MSH3: variants seen among roughly 807,000 people sequenced by gnomAD.
The protein encoded by MSH3 is mutS homolog 3.
A neutral mutation model predicts 123.3 loss-of-function variants in MSH3; 106 were observed. The ratio of observed to expected loss-of-function variants is 0.86; its 90% CI spans 0.73 to 1.01. MSH3 has a LOEUF of 1.01. MSH3 is among the 50% of genes least tolerant of loss of function. The pLI is 0.00. For synonymous variants in MSH3, 515 were observed against 481.4 expected (o/e 1.07, Z -0.91); for missense variants, 1,459 against 1,347.6 (o/e 1.08, Z -1.29).
chr5:80,783,493 T>TTTATA (rs983367685), intron 17 of MSH3, among the ~76,000 whole-genome samples: 8 of 152,214 alleles, frequency 5.3e-5, no homozygotes, highest in African/African-American at 1.9e-4. Context: ...TCATGTCTTA[T>TTTATA]TTATACCATT....
chr5:80,859,712 CT>C (rs373044585), intron 21 of MSH3, among the ~76,000 whole-genome samples: 414 of 130,072 alleles, frequency 3.2e-3, no homozygotes, highest in Middle Eastern at 7.9e-3. Flanking sequence ...CATTTTCTCT[CT>C]TTTTTTTTTT....
At chr5:80,815,278 T>C (rs897395607) in intron 20 of MSH3, among the ~76,000 whole-genome samples, 3 of 152,082 alleles carry the variant, frequency 2.0e-5, no homozygotes, top group Non-Finnish European at 2.9e-5. Context: ...CTTTAGTTCT[T>C]AAGACTTAAT....
Position 80,729,069 on chromosome 5 carries a change from A to T in MSH3, c.1568+104A>T, listed in dbSNP as rs1743357909. ...ACTTAGAGAAGCTTGCCTGCTATTG[A>T]TAGAATACTAGGGTGCAAGGATGAG... On this transcript the variant is annotated intron_variant, in intron 10 of 23. Coordinates refer to ENST00000265081, the MANE Select transcript of MSH3 (RefSeq NM_002439.5). The T allele has an allele frequency of 4.1e-6, 3 of 738,094 alleles. No homozygotes were observed. In the Admixed American group the frequency reaches 6.0e-5, roughly 15 times the overall value. The allele number at this position is 738,094 out of a possible 1,614,324, so 45.7% of individuals were successfully genotyped here.
intron 13 of MSH3, among the ~76,000 whole-genome samples, chr5:80,767,176 C>T (rs997830526): frequency 6.6e-6 from 1 of 151,586 alleles, no homozygotes; most frequent in African/African-American, 2.4e-5. Flanking sequence ...TTATAAGCAG[C>T]GCTACTATGA....
At chr5:80,674,821 C>G (rs1175524920) in intron 6 of MSH3, among the ~76,000 whole-genome samples, 162 bp from the exon 7 acceptor site, 1 of 151,986 alleles carries the variant, frequency 6.6e-6, no homozygotes, top group Non-Finnish European at 1.5e-5. Flanking sequence ...CTTAAGTAAT[C>G]CTACCACCTT....
At chr5:80,716,101 GATCATTCTGCCATTC>G (rs1750955575) in intron 8 of MSH3, among the ~76,000 whole-genome samples, 1 of 152,300 alleles carries the variant, frequency 6.6e-6, no homozygotes, top group East Asian at 1.9e-4. Flanking sequence ...TTTTAAAAGT[GATCATTCTGCCATTC>G]ACTATGAGCC....
At chr5:80,746,590 T>G in intron 12 of MSH3, 1 of 381,086 alleles carries the variant, frequency 2.6e-6, no homozygotes, top group Non-Finnish European at 5.2e-6. Flanking sequence ...CTCTGTTCGT[T>G]TTCTTTGTTC....
At chr5:80,812,053 C>T (rs973345943) in intron 19 of MSH3, among the ~76,000 whole-genome samples, 24 of 152,120 alleles carry the variant, frequency 1.6e-4, no homozygotes, top group African/African-American at 5.8e-4. Flanking sequence ...ACAAGAAACA[C>T]AGGTATACTC....
chr5:80,683,534 A>G (rs1006071792), intron 8 of MSH3, among the ~76,000 whole-genome samples: 11 of 152,080 alleles, frequency 7.2e-5, no homozygotes, highest in Non-Finnish European at 1.5e-4. Context: ...CAATTTGTCT[A>G]TTTTTAAATT....
chr5:80,684,068 G>A (rs1285571217), intron 8 of MSH3, among the ~76,000 whole-genome samples: 1 of 152,166 alleles, frequency 6.6e-6, no homozygotes, highest in Non-Finnish European at 1.5e-5. Context: ...CCAGTACCAT[G>A]CCATTTTGGT....
Position 80,768,135 on chromosome 5 carries a change from C to T in MSH3, c.2084+15C>T, listed in dbSNP as rs764256215. On this transcript the variant is annotated intron_variant, in intron 14 of 23. Transcript: ENST00000265081. ...CAAGCTGCCAAGTAAGTACCAGACC[C>T]TGAATTCTTCCTTTTCACCAGTCAG... The T allele has an allele frequency of 6.2e-7, 1 of 1,609,068 alleles. No homozygotes were observed. The highest frequency in any genetic ancestry group is 1.1e-5 in the South Asian group (1 of 90,994).
chr5:80,778,620 G>A (rs1352041924), intron 16 of MSH3, 100 bp from the exon 17 acceptor site: 2 of 771,628 alleles, frequency 2.6e-6, no homozygotes, highest in East Asian at 4.9e-5. Flanking sequence ...TACTTTCAAG[G>A]TTCATCAGAG....
At chr5:80,687,294 C>T (rs1384748013) in intron 8 of MSH3, among the ~76,000 whole-genome samples, 2 of 152,140 alleles carry the variant, frequency 1.3e-5, no homozygotes, top group Admixed American at 6.5e-5. Flanking sequence ...GTCTCGAGCC[C>T]TTTATCAATT....
chr5:80,812,074 A>G (rs750512718), intron 19 of MSH3, among the ~76,000 whole-genome samples: 4 of 152,188 alleles, frequency 2.6e-5, no homozygotes, highest in Non-Finnish European at 4.4e-5. Flanking sequence ...AAGTTCCTTC[A>G]AGTAATGGAG....
At chr5:80,791,102 G>A (rs1284711847) in intron 18 of MSH3, among the ~76,000 whole-genome samples, 1 of 152,142 alleles carries the variant, frequency 6.6e-6, no homozygotes, top group Non-Finnish European at 1.5e-5. Flanking sequence ...AGATGTGATA[G>A]TATTCTTCTA....
intron 8 of MSH3, among the ~76,000 whole-genome samples, chr5:80,693,872 C>T (rs1390789151): frequency 6.6e-6 from 1 of 152,090 alleles, no homozygotes; most frequent in East Asian, 1.9e-4. Flanking sequence ...AGTGTCCAGG[C>T]TGATCTCGAA....
At chr5:80,734,269 A>G (rs1251685051) in intron 10 of MSH3, among the ~76,000 whole-genome samples, 1 of 152,218 alleles carries the variant, frequency 6.6e-6, no homozygotes, top group Non-Finnish European at 1.5e-5. Context: ...GAGAGAAAGT[A>G]GATTAGTGGT....
chr5:80,668,434 C>T (rs1355469840), intron 3 of MSH3, among the ~76,000 whole-genome samples: 2 of 152,170 alleles, frequency 1.3e-5, no homozygotes, highest in Non-Finnish European at 2.9e-5. Flanking sequence ...CATGGGGCAC[C>T]TGCAGGACAG....
At chr5:80,695,482 C>A (rs2560425) in intron 8 of MSH3, among the ~76,000 whole-genome samples, 37,541 of 151,874 alleles carry the variant, frequency 0.25, 4,768 homozygotes, top group Middle Eastern at 0.32. Flanking sequence ...TTATAGGCGC[C>A]TGCCACCACG....
Sources: gnomAD v4.1 joint callset for allele counts (sites outside exome capture counted in the v4.1 genomes callset) on GRCh38, gnomAD v4.1.1 for gene constraint, MANE v1.5 for transcripts, NCBI Gene and HGNC (gene_info 2026-07-23, HGNC 2026-07-21) for gene names.